TTI1: variants seen among roughly 807,000 people sequenced by gnomAD.
TTI1 encodes TELO2 interacting protein 1, also known as TELO2-interacting protein 1 homolog.
TTI1 carries 52 observed loss-of-function variants against 85.4 expected under a neutral mutation model. The observed-to-expected ratio is 0.61, with a 90% CI of 0.49 to 0.77. TTI1 has a LOEUF of 0.77. Ranked by LOEUF, TTI1 falls within the 30% of genes least tolerant of loss-of-function variation. The pLI, the probability that TTI1 is intolerant of heterozygous loss-of-function variation, is 0.00. For missense variants in TTI1, 1,173 were observed against 1,296.0 expected (o/e 0.91, Z 1.46); for synonymous variants, 512 against 503.9 (o/e 1.02, Z -0.22).
At chr20:37,987,447 A>G (rs1381651159) in intron 7 of TTI1, 2 of 420,666 alleles carry the variant, frequency 4.8e-6, no homozygotes, top group South Asian at 3.4e-5. Context: ...ACCCAAAGAG[A>G]AACACTTTTT....
chr20:38,030,527 A>AC (rs2073892827), intron 1 of TTI1, among the ~76,000 whole-genome samples: 2 of 141,416 alleles, frequency 1.4e-5, no homozygotes, highest in Non-Finnish European at 3.0e-5. Flanking sequence ...GCAGTATGTA[A>AC]AACACACACA....
intron 1 of TTI1, among the ~76,000 whole-genome samples, chr20:38,020,080 T>C (rs75222366): frequency 1.3e-4 from 19 of 151,932 alleles, no homozygotes; most frequent in Non-Finnish European, 2.2e-4. Flanking sequence ...AAAATAAGAA[T>C]GCAGTTACAG....
chr20:38,007,886 C>G (rs2073525350), intron 2 of TTI1, among the ~76,000 whole-genome samples: 1 of 152,200 alleles, frequency 6.6e-6, no homozygotes, highest in African/African-American at 2.4e-5. Context: ...CTACTTAGTG[C>G]ACTCTAAGGC....
intron 2 of TTI1, among the ~76,000 whole-genome samples, chr20:38,010,615 C>T (rs1388622301): frequency 2.0e-5 from 3 of 151,496 alleles, no homozygotes; most frequent in Non-Finnish European, 2.9e-5. Context: ...GGACTACAGG[C>T]GCCCGCCACC....
rs1027780481 is a variant in TTI1, at chr20:37,986,279, C to T, written c.3087-2640G>A. Among the ~76,000 whole-genome samples the T allele has an allele frequency of 2.6e-5, 4 of 152,318 alleles. No homozygotes were observed. In the East Asian group the frequency reaches 5.8e-4, roughly 22 times the overall value. ...CCACGACCCAGTTCAGTCATAGCTG[C>T]GCTCTGACTTACACAGCATGAAAAT... On this transcript the variant is annotated intron_variant, in intron 7 of 7. Transcript: ENST00000373447.
chr20:38,010,194 G>A (rs1362388309), intron 2 of TTI1, among the ~76,000 whole-genome samples: 2 of 152,170 alleles, frequency 1.3e-5, no homozygotes, highest in East Asian at 3.8e-4. Context: ...CACTGGAAAT[G>A]GCATTAGCTA....
chr20:38,022,758 A>G (rs1169813925), intron 1 of TTI1, among the ~76,000 whole-genome samples: 1 of 152,196 alleles, frequency 6.6e-6, no homozygotes, highest in Non-Finnish European at 1.5e-5. Context: ...GGGAACATGT[A>G]TATTTTCTCT....
At position 38,024,177 on chromosome 20, in the gene TTI1, C is replaced by T. The variant is rs563314005; in HGVS notation, c.-42+9227G>A. 1.9e-4 allele frequency among the ~76,000 whole-genome samples: 29 copies of T among 152,194 alleles called. No individual in the cohort carries two copies. The South Asian group carries it at 3.7e-3, about 20-fold the overall frequency. On this transcript the variant is annotated intron_variant, in intron 1 of 7. Coordinates refer to ENST00000373447, the MANE Select transcript of TTI1 (RefSeq NM_001303457.2). ...ATACAAATGACCTCCTGCCCTCCCC[C>T]GATTTATGACCTGGCACTGGAAACT...
chr20:37,993,173 G>C (rs1455925062), intron 7 of TTI1, among the ~76,000 whole-genome samples: 3 of 146,964 alleles, frequency 2.0e-5, no homozygotes, highest in African/African-American at 7.6e-5. Context: ...CACACAGCAA[G>C]GTCACATCCT....
At chr20:38,026,946 G>A (rs142183298) in intron 1 of TTI1, among the ~76,000 whole-genome samples, 1 of 152,292 alleles carries the variant, frequency 6.6e-6, no homozygotes, top group East Asian at 1.9e-4. Context: ...ACTTTGCTAG[G>A]TAAAGGTAAG....
intron 5 of TTI1, among the ~76,000 whole-genome samples, chr20:37,997,210 G>T (rs1049291176): frequency 6.7e-6 from 1 of 149,932 alleles, no homozygotes. Flanking sequence ...TGGGTTGGAT[G>T]AATAATATGA....
rs917524304 is a variant in TTI1 at position 38,006,086 on chromosome 20, G to T, written c.2503+111C>A. 9 of 1,204,326 alleles carry T rather than the reference G, an allele frequency of 7.5e-6. No homozygotes were observed. In the African/African-American group the frequency reaches 1.2e-4, roughly 16 times the overall value. 74.6% of individuals were successfully genotyped at this position (1,204,326 alleles called of 1,614,324 possible). ...GAGAATAGCTATGTTAGCCTGGTAA[G>T]GTTATGAGTAACTTTTCTTATTTCT... On this transcript the variant is annotated intron_variant, in intron 3 of 7. Coordinates refer to ENST00000373447, the MANE Select transcript of TTI1 (RefSeq NM_001303457.2).
At chr20:37,992,480 T>C (rs2073278877) in intron 7 of TTI1, among the ~76,000 whole-genome samples, 1 of 152,194 alleles carries the variant, frequency 6.6e-6, no homozygotes, top group African/African-American at 2.4e-5. Context: ...TTTCGCTATG[T>C]TGCCCAGGCT....
intron 1 of TTI1, among the ~76,000 whole-genome samples, chr20:38,026,320 C>T (rs775753011): frequency 6.6e-5 from 10 of 152,202 alleles, no homozygotes; most frequent in East Asian, 3.9e-4. Context: ...CCAGCACTCC[C>T]GGCTAATTTT....
chr20:38,006,737 T>A (rs1159163649), intron 2 of TTI1, among the ~76,000 whole-genome samples: 2 of 152,234 alleles, frequency 1.3e-5, no homozygotes, highest in Non-Finnish European at 2.9e-5. Context: ...TTAACTTAGG[T>A]CACTTACATG....
In TTI1 at chr20:38,006,272, C is replaced by T. The variant is rs1258331132; in HGVS notation, c.2428G>A (p.Glu810Lys). ...TTGAGGTAGTTCAGCAAAAACTGTT[C>T]GATGTCTTCAGCTGTGGTGGTGCTC... ...EKSTTTAEDIEQFLLNYLKEK... is the reference protein window; with the variant it reads ...EKSTTTAEDIKQFLLNYLKEK... Residue 810 changes from glutamate to lysine, a missense_variant, in exon 3 of 8, where the codon GAA (glutamate) becomes AAA (lysine). Glu to Lys is a moderately conservative substitution (Grantham distance 56). Coordinates refer to ENST00000373447, the MANE Select transcript of TTI1 (RefSeq NM_001303457.2). The T allele has an allele frequency of 3.7e-6, 6 of 1,614,160 alleles. No homozygotes were observed. The highest frequency in any genetic ancestry group is 1.1e-5 in the South Asian group (1 of 91,074).
In TTI1 at chr20:38,012,537, C is replaced by T. The variant is rs774053613; in HGVS notation, c.1280G>A (p.Arg427Gln). ...AACTTGGATGAGTGCTTTGGAAAGC[C>T]GCTGGAGATGGGCCACAGAGTTGAG... is the stretch of plus-strand genomic sequence containing the variant. ...FVLNSVAHLQ[R>Q]LSKALIQVLE... The change falls in exon 2 of 8, where the codon CGG becomes CAG. Residue 427 changes from arginine (R) to glutamine (Q), a missense_variant. By Grantham distance (43) the Arg-to-Gln change is conservative. Coordinates refer to ENST00000373447, the MANE Select transcript of TTI1 (RefSeq NM_001303457.2). 6.2e-6 allele frequency: 10 copies of T among 1,613,972 alleles called. No homozygotes were observed. Among genetic ancestry groups the T allele is most frequent in the African/African-American group, 2.7e-5 (2 of 74,874 alleles).
At position 38,032,370 on chromosome 20, in the gene TTI1, C is replaced by G. The variant is rs914438391; in HGVS notation, c.-42+1034G>C. ...CAATACAGTGCAATAAGAGCAAAAG[C>G]AGGCATCAACTAGAAGAACGTCTCC... On this transcript the variant is annotated intron_variant, in intron 1 of 7. Coordinates refer to ENST00000373447, the MANE Select transcript of TTI1 (RefSeq NM_001303457.2). Among the ~76,000 whole-genome samples the G allele has an allele frequency of 2.0e-5, 3 of 152,300 alleles. No individual in the cohort carries two copies. In the South Asian group the frequency reaches 6.2e-4, roughly 32 times the overall value.
chr20:38,020,764 G>C (rs1457062260), intron 1 of TTI1, among the ~76,000 whole-genome samples: 3 of 152,090 alleles, frequency 2.0e-5, no homozygotes, highest in Non-Finnish European at 4.4e-5. Context: ...AATATCATTA[G>C]TCAGGAAAAT....
Sources: gnomAD v4.1 joint callset for allele counts (sites outside exome capture counted in the v4.1 genomes callset) on GRCh38, gnomAD v4.1.1 for gene constraint, MANE v1.5 for transcripts, NCBI Gene and HGNC (gene_info 2026-07-23, HGNC 2026-07-21) for gene names.